The following CHCHD3 variants were observed in gnomAD, a reference collection of about 807,000 sequenced individuals.
CHCHD3 encodes MICOS complex subunit MIC19.
A neutral mutation model predicts 38.2 loss-of-function variants in CHCHD3; 20 were observed. The observed-to-expected ratio is 0.52, with a 90% CI of 0.37 to 0.76. The LOEUF (loss-of-function observed/expected upper bound fraction) is 0.76. Ranked by LOEUF, CHCHD3 falls within the 30% of genes least tolerant of loss-of-function variation. The probability of loss-of-function intolerance (pLI) is 0.00; values close to 1 mark genes in which losing one functional copy is unlikely to be tolerated. For synonymous variants in CHCHD3, 82 were observed against 100.0 expected (o/e 0.82, Z 1.07); for missense variants, 245 against 279.2 (o/e 0.88, Z 0.87).
Position 132,898,738 on chromosome 7 carries a change from C to T in CHCHD3, c.370-12993G>A, listed in dbSNP as rs1020386524. On this transcript the variant is annotated intron_variant, in intron 4 of 7. Coordinates refer to ENST00000262570, the MANE Select transcript of CHCHD3 (RefSeq NM_017812.4). ...CTCACGCATGGCGGGCTGCAGGTCC[C>T]GAGCCTTGCCCCACGGGAAGGCAGC... 2.6e-5 allele frequency among the ~76,000 whole-genome samples: 4 copies of T among 152,346 alleles called. No individual in the cohort carries two copies. In the East Asian group the frequency reaches 5.8e-4, roughly 22 times the overall value.
intron 3 of CHCHD3, among the ~76,000 whole-genome samples, chr7:132,991,064 C>T (rs563140421): frequency 4.6e-5 from 7 of 151,636 alleles, no homozygotes; most frequent in Admixed American, 4.6e-4. Flanking sequence ...CCAGAGTAAA[C>T]ATTTTTAAGG....
chr7:133,007,594 C>T (rs1812734639), intron 3 of CHCHD3, among the ~76,000 whole-genome samples: 1 of 152,076 alleles, frequency 6.6e-6, no homozygotes, highest in Non-Finnish European at 1.5e-5. Flanking sequence ...ACTCCAGGTC[C>T]CTCCAACATT....
At chr7:132,913,358 G>A (rs984182046) in intron 4 of CHCHD3, among the ~76,000 whole-genome samples, 2 of 152,194 alleles carry the variant, frequency 1.3e-5, no homozygotes, top group Non-Finnish European at 2.9e-5. Flanking sequence ...GAACTTTAGA[G>A]AAGGGGAAAT....
In CHCHD3 at chr7:132,792,541, A is replaced by T. The variant is rs560818280; in HGVS notation, c.660+3901T>A. Among the ~76,000 whole-genome samples, 3 of 152,322 alleles carry T rather than the reference A, an allele frequency of 2.0e-5. No individual in the cohort carries two copies. In the East Asian group the frequency reaches 5.8e-4, roughly 29 times the overall value. ...ACGTTTAAGGTGGACAGCAAAATTT[A>T]AGAGGCGAAGGCACAAATACTGGAG... On this transcript the variant is annotated intron_variant, in intron 7 of 7. Transcript: ENST00000262570.
intron 4 of CHCHD3, among the ~76,000 whole-genome samples, chr7:132,933,972 C>T (rs1810576516): frequency 6.6e-6 from 1 of 152,194 alleles, no homozygotes; most frequent in Non-Finnish European, 1.5e-5. Context: ...TCAGCCTAAA[C>T]TTAATGGGTA....
At chr7:132,894,683 C>CAGT (rs1809449567) in intron 4 of CHCHD3, among the ~76,000 whole-genome samples, 4 of 152,292 alleles carry the variant, frequency 2.6e-5, no homozygotes, top group South Asian at 4.1e-4. Context: ...ACTCAGTACA[C>CAGT]AGTAGCTGAA....
intron 4 of CHCHD3, among the ~76,000 whole-genome samples, chr7:132,938,722 C>A (rs1168761139): frequency 1.3e-5 from 2 of 152,156 alleles, no homozygotes; most frequent in Non-Finnish European, 2.9e-5. Flanking sequence ...TTTAAACCTG[C>A]AGTGTGTCCC....
chr7:133,059,924 A>G (rs1351195961), intron 2 of CHCHD3, among the ~76,000 whole-genome samples: 1 of 152,248 alleles, frequency 6.6e-6, no homozygotes, highest in East Asian at 1.9e-4. Context: ...GGCTGAGCGT[A>G]CAGAACATGG....
intron 2 of CHCHD3, chr7:133,034,749 T>A: frequency 1.2e-6 from 2 of 1,613,678 alleles, no homozygotes. Flanking sequence ...GTAGTCCACC[T>A]GCCAATCTGG....
intron 5 of CHCHD3, among the ~76,000 whole-genome samples, chr7:132,856,543 G>GGGC (rs1808346264): frequency 6.6e-6 from 1 of 152,192 alleles, no homozygotes; most frequent in African/African-American, 2.4e-5. Flanking sequence ...ACAGGGCAAA[G>GGGC]AAAAGTCTGC....
intron 4 of CHCHD3, among the ~76,000 whole-genome samples, chr7:132,922,173 G>A (rs1467296025): frequency 6.6e-6 from 1 of 152,132 alleles, no homozygotes; most frequent in Admixed American, 6.5e-5. Flanking sequence ...ATGGCTTCAG[G>A]TAAGCATGGG....
chr7:133,011,339 T>A (rs552390324), intron 3 of CHCHD3, among the ~76,000 whole-genome samples: 3 of 152,302 alleles, frequency 2.0e-5, no homozygotes, highest in Admixed American at 1.3e-4. Flanking sequence ...AATGCTGCTT[T>A]GTGAAAAATA....
intron 1 of CHCHD3, among the ~76,000 whole-genome samples, chr7:133,079,873 TCTGTGTACTCAATA>T (rs1815116997): frequency 6.6e-6 from 1 of 152,218 alleles, no homozygotes; most frequent in Non-Finnish European, 1.5e-5. Flanking sequence ...CAGAATGACC[TCTGTGTACTCAATA>T]CTTCAATGGA....
intron 3 of CHCHD3, among the ~76,000 whole-genome samples, chr7:132,991,714 A>T (rs185940284): frequency 6.6e-5 from 10 of 152,250 alleles, no homozygotes; most frequent in Admixed American, 6.5e-4. Context: ...CTGAGCTAAG[A>T]GTTCAGTACT....
chr7:132,956,702 G>GT (rs752695533), intron 4 of CHCHD3, among the ~76,000 whole-genome samples: 33 of 152,172 alleles, frequency 2.2e-4, no homozygotes, highest in Non-Finnish European at 4.0e-4. Flanking sequence ...CTCACTCATT[G>GT]TAACAGTCGT....
Position 132,788,814 on chromosome 7 carries a change from T to C in CHCHD3, c.661-3154A>G, listed in dbSNP as rs1304437908. Among the ~76,000 whole-genome samples the C allele has an allele frequency of 6.6e-6, 1 of 152,238 alleles. No homozygotes were observed. Among genetic ancestry groups the C allele is most frequent in the Non-Finnish European group, 1.5e-5 (1 of 68,046 alleles). Reference sequence around the variant, plus strand: ...TTTGTGGTGACTCCTTGAAGACATGTGGGACCACCACAGAAAAGCACCAGG... The same window carrying C: ...TTTGTGGTGACTCCTTGAAGACATGCGGGACCACCACAGAAAAGCACCAGG... On this transcript the variant is annotated intron_variant, in intron 7 of 7. Transcript: ENST00000262570. The surrounding 1 kb of genome is among the most constrained non-coding windows in gnomAD (Gnocchi z 4.0).
rs2117435938 is a variant in CHCHD3 at position 133,021,599 on chromosome 7, A to G, written c.251+2947T>C. ...TAACTGAAACAAAGTACTTATTTCA[A>G]CTATGCTGATAGAAGACATTTTGGA... is the stretch of plus-strand genomic sequence containing the variant. On this transcript the variant is annotated intron_variant, in intron 3 of 7. Coordinates refer to ENST00000262570, the MANE Select transcript of CHCHD3 (RefSeq NM_017812.4). 2.6e-5 allele frequency among the ~76,000 whole-genome samples: 4 copies of G among 152,292 alleles called. No individual in the cohort carries two copies. In the Middle Eastern group the frequency reaches 0.01, roughly 389 times the overall value.
chr7:132,866,278 T>C (rs1036907387), intron 5 of CHCHD3, among the ~76,000 whole-genome samples: 1 of 152,186 alleles, frequency 6.6e-6, no homozygotes, highest in African/African-American at 2.4e-5. Flanking sequence ...GAGCTTAGAC[T>C]GCCAGGGTTC....
At chr7:133,070,082 T>A (rs1281731915) in intron 2 of CHCHD3, 60 bp downstream of exon 2, 1 of 1,284,494 alleles carries the variant, frequency 7.8e-7, no homozygotes, top group Non-Finnish European at 1.1e-6. Context: ...GACTATTGAG[T>A]CAACTTTTTC....
Sources: allele counts gnomAD v4.1 joint callset (sites outside exome capture counted in the v4.1 genomes callset), GRCh38; gene constraint gnomAD v4.1.1; non-coding constraint Gnocchi (gnomAD v3.1); transcripts MANE v1.5; gene names NCBI Gene and HGNC (gene_info 2026-07-23, HGNC 2026-07-21).